The following EYS variants were observed in gnomAD, a reference collection of about 807,000 sequenced individuals.
EYS encodes the protein EGF-like photoreceptor maintenance factor.
EYS carries 250 observed loss-of-function variants against 282.1 expected under a neutral mutation model. The ratio of observed to expected loss-of-function variants is 0.89; its 90% CI spans 0.80 to 0.98. The LOEUF (loss-of-function observed/expected upper bound fraction) is 0.98, where lower values mean the gene tolerates loss of function less well. EYS is among the 50% of genes least tolerant of loss of function. EYS has a pLI of 0.00. For synonymous variants in EYS, 1,355 were observed against 1,282.9 expected (o/e 1.06, Z -1.20); for missense variants, 4,016 against 3,709.0 (o/e 1.08, Z -2.15).
intron 28 of EYS, among the ~76,000 whole-genome samples, chr6:64,402,930 A>C (rs769122904): frequency 4.6e-5 from 7 of 152,166 alleles, no homozygotes; most frequent in Non-Finnish European, 8.8e-5. Flanking sequence ...AGATTTTAAA[A>C]TATGTTTTTG....
chr6:64,461,453 G>C (rs1775743394), intron 26 of EYS, among the ~76,000 whole-genome samples: 1 of 152,168 alleles, frequency 6.6e-6, no homozygotes, highest in Non-Finnish European at 1.5e-5. Context: ...GAGATGAGCA[G>C]TCAGGGAGGG....
At chr6:65,569,468 T>C (rs1764404615) in intron 2 of EYS, among the ~76,000 whole-genome samples, 2 of 152,146 alleles carry the variant, frequency 1.3e-5, no homozygotes, top group African/African-American at 4.8e-5. Flanking sequence ...CAGACTGCCA[T>C]TGTAGGACTA....
intron 13 of EYS, 68 bp from the exon 14 acceptor site, chr6:64,997,771 T>C: frequency 1.4e-6 from 2 of 1,400,072 alleles, no homozygotes; most frequent in Non-Finnish European, 1.9e-6. Flanking sequence ...TTATAATTAG[T>C]CTAAAATTCT....
chr6:65,680,725 C>A (rs1768784138), intron 1 of EYS, among the ~76,000 whole-genome samples: 2 of 151,958 alleles, frequency 1.3e-5, no homozygotes, highest in South Asian at 4.1e-4. Context: ...AACAAATATT[C>A]TCACAATTCT....
chr6:64,816,592 T>C (rs143526834), intron 21 of EYS, among the ~76,000 whole-genome samples: 178 of 152,194 alleles, frequency 1.2e-3, no homozygotes, highest in African/African-American at 3.9e-3. Flanking sequence ...AATAATGGAA[T>C]AGCTAGAGAA....
At chr6:65,173,978 C>T (rs1240778547) in intron 12 of EYS, among the ~76,000 whole-genome samples, 1 of 150,826 alleles carries the variant, frequency 6.6e-6, no homozygotes, top group African/African-American at 2.4e-5. Context: ...TAGCTTTTTT[C>T]TTAAAGATAA....
chr6:64,877,255 G>C (rs777773408), intron 19 of EYS, among the ~76,000 whole-genome samples: 1 of 152,102 alleles, frequency 6.6e-6, no homozygotes, highest in Non-Finnish European at 1.5e-5. Context: ...GACAACACTA[G>C]GCAGAACACA....
chr6:64,709,253 A>G (rs144979064), intron 22 of EYS, among the ~76,000 whole-genome samples: 2 of 152,266 alleles, frequency 1.3e-5, no homozygotes, highest in Admixed American at 1.3e-4. Flanking sequence ...AATCCTTACA[A>G]TTGTGATACA....
At chr6:64,120,146 G>A (rs1773528706) in intron 31 of EYS, among the ~76,000 whole-genome samples, 1 of 151,016 alleles carries the variant, frequency 6.6e-6, no homozygotes, top group Non-Finnish European at 1.5e-5. Flanking sequence ...AGGAGATCGA[G>A]ACCATCCTGG....
intron 5 of EYS, among the ~76,000 whole-genome samples, chr6:65,446,899 C>G (rs12215670): frequency 0.19 from 28,050 of 151,264 alleles, 3,235 homozygotes; most frequent in Middle Eastern, 0.3. Flanking sequence ...ATGAGAAAAA[C>G]AGAAGGCACA....
At chr6:65,699,003 A>C (rs1769557416) in intron 1 of EYS, among the ~76,000 whole-genome samples, 1 of 152,190 alleles carries the variant, frequency 6.6e-6, no homozygotes, top group Admixed American at 6.5e-5. Flanking sequence ...ACCAGTTTTC[A>C]CATTTGATTC....
chr6:65,410,353 T>C (rs1766934951), intron 5 of EYS, among the ~76,000 whole-genome samples: 1 of 152,082 alleles, frequency 6.6e-6, no homozygotes, highest in African/African-American at 2.4e-5. Context: ...TCGGGATAGT[T>C]AGTATATCTA....
intron 2 of EYS, among the ~76,000 whole-genome samples, chr6:65,615,985 AAATT>A (rs1427466831): frequency 6.6e-6 from 1 of 152,014 alleles, no homozygotes; most frequent in Non-Finnish European, 1.5e-5. Flanking sequence ...GTATGAACAC[AAATT>A]AATTTGATGT....
intron 12 of EYS, among the ~76,000 whole-genome samples, chr6:65,277,470 C>G (rs1442970804): frequency 6.6e-6 from 1 of 151,316 alleles, no homozygotes; most frequent in South Asian, 2.1e-4. Context: ...AAAAGCGCCC[C>G]GGAAAACTTT....
At chr6:64,395,052 C>T (rs1171008019) in intron 28 of EYS, among the ~76,000 whole-genome samples, 3 of 152,168 alleles carry the variant, frequency 2.0e-5, no homozygotes, top group African/African-American at 4.8e-5. Flanking sequence ...CACTGGCCAT[C>T]AGAGAGATGC....
At chr6:63,948,938 A>G (rs1357053021) in intron 35 of EYS, among the ~76,000 whole-genome samples, 1 of 152,042 alleles carries the variant, frequency 6.6e-6, no homozygotes, top group Non-Finnish European at 1.5e-5. Flanking sequence ...ACTTTGTGTC[A>G]TGTGTTTATC....
intron 5 of EYS, among the ~76,000 whole-genome samples, chr6:65,482,287 T>C (rs1765636889): frequency 6.6e-6 from 1 of 152,174 alleles, no homozygotes; most frequent in Non-Finnish European, 1.5e-5. Context: ...TGCCATAAAT[T>C]ATCATTCCAA....
chr6:65,182,429 A>T (rs1765412092), intron 12 of EYS, among the ~76,000 whole-genome samples: 1 of 151,406 alleles, frequency 6.6e-6, no homozygotes, highest in African/African-American at 2.4e-5. Context: ...AATATAGTAT[A>T]TTTTTCTTAA....
intron 16 of EYS, among the ~76,000 whole-genome samples, chr6:64,910,702 C>G (rs1767963354): frequency 6.6e-6 from 1 of 151,968 alleles, no homozygotes; most frequent in Non-Finnish European, 1.5e-5. Context: ...TGTCAATGTT[C>G]AATGGGACAG....
Sources: gnomAD v4.1 joint callset for allele counts (sites outside exome capture counted in the v4.1 genomes callset) on GRCh38, gnomAD v4.1.1 for gene constraint, MANE v1.5 for transcripts, NCBI Gene and HGNC (gene_info 2026-07-23, HGNC 2026-07-21) for gene names.